BNC2: variants seen among roughly 807,000 people sequenced by gnomAD.
BNC2 encodes zinc finger protein basonuclin-2.
Under a neutral mutation model 76.3 loss-of-function variants are expected in BNC2, and 20 were observed. The ratio of observed to expected loss-of-function variants is 0.26; its 90% confidence interval spans 0.18 to 0.38. The LOEUF is 0.38. Ranked by LOEUF, BNC2 falls within the 10% of genes least tolerant of loss-of-function variation. The pLI is 1.00. For synonymous variants in BNC2, 582 were observed against 514.8 expected (o/e 1.13, Z -1.77); for missense variants, 1,382 against 1,399.8 (o/e 0.99, Z 0.20).
chr9:16,584,196 G>T (rs1013669495), intron 3 of BNC2, among the ~76,000 whole-genome samples: 16 of 152,118 alleles, frequency 1.1e-4, no homozygotes, highest in African/African-American at 3.6e-4. Flanking sequence ...TTCTGGGGTG[G>T]AGGGGTGGGC....
intron 1 of BNC2, among the ~76,000 whole-genome samples, chr9:16,799,097 CA>C: frequency 6.6e-6 from 1 of 152,184 alleles, no homozygotes; most frequent in African/African-American, 2.4e-5. Flanking sequence ...ATGTCAAAAT[CA>C]GTTATAATGC....
At chr9:16,626,850 C>T (rs947201907) in intron 3 of BNC2, among the ~76,000 whole-genome samples, 1 of 152,078 alleles carries the variant, frequency 6.6e-6, no homozygotes, top group Non-Finnish European at 1.5e-5. Context: ...TGCCTGTGAC[C>T]CAGCAGTGAG....
chr9:16,437,608 T>C, intron 5 of BNC2, 84 bp from the exon 6 acceptor site: 1 of 1,482,282 alleles, frequency 6.7e-7, no homozygotes, highest in Non-Finnish European at 9.2e-7. Context: ...CTGAAGGTGC[T>C]CTGTGTGCTC....
intron 3 of BNC2, among the ~76,000 whole-genome samples, chr9:16,651,107 T>C (rs1027634139): frequency 7.9e-5 from 12 of 152,172 alleles, no homozygotes; most frequent in Admixed American, 7.8e-4. Flanking sequence ...AGGTAAAGTG[T>C]TGTAAGCTAT....
chr9:16,497,504 A>T (rs540802758), intron 5 of BNC2, among the ~76,000 whole-genome samples: 270 of 152,294 alleles, frequency 1.8e-3, no homozygotes, highest in African/African-American at 6.2e-3. Context: ...TATGCCACAC[A>T]TTATACCGGA....
chr9:16,554,914 T>C (rs1818776017), intron 4 of BNC2, among the ~76,000 whole-genome samples: 2 of 152,244 alleles, frequency 1.3e-5, no homozygotes, highest in African/African-American at 4.8e-5. Context: ...GCACCTTGCA[T>C]GTCTGCATTA....
intron 1 of BNC2, among the ~76,000 whole-genome samples, chr9:16,774,910 G>A (rs1825922845): frequency 6.6e-6 from 1 of 152,152 alleles, no homozygotes; most frequent in Admixed American, 6.6e-5. Flanking sequence ...TTTTGCCAAT[G>A]AAGCGTTTTT....
intron 3 of BNC2, among the ~76,000 whole-genome samples, chr9:16,681,522 A>T (rs1246966625): frequency 6.6e-6 from 1 of 152,122 alleles, no homozygotes; most frequent in Non-Finnish European, 1.5e-5. Flanking sequence ...CTGGAAAGAG[A>T]ACTGCAGGAA....
chr9:16,822,433 C>T (rs904655174), intron 1 of BNC2, among the ~76,000 whole-genome samples: 3 of 152,088 alleles, frequency 2.0e-5, no homozygotes, highest in East Asian at 3.8e-4. Context: ...GATGCAAAAA[C>T]GCAGCCTTTT....
intron 5 of BNC2, among the ~76,000 whole-genome samples, chr9:16,498,915 T>C (rs1822457931): frequency 6.6e-6 from 1 of 152,138 alleles, no homozygotes; most frequent in Non-Finnish European, 1.5e-5. Context: ...GGCTACTGGA[T>C]ATCAAATAGT....
intron 3 of BNC2, among the ~76,000 whole-genome samples, chr9:16,619,299 C>T (rs1314601980): frequency 6.6e-6 from 1 of 151,522 alleles, no homozygotes; most frequent in East Asian, 1.9e-4. Flanking sequence ...CAACATAATG[C>T]TTTAGAAAAA....
chr9:16,611,083 A>G (rs1179017783), intron 3 of BNC2, among the ~76,000 whole-genome samples: 1 of 152,230 alleles, frequency 6.6e-6, no homozygotes, highest in East Asian at 1.9e-4. Flanking sequence ...TCAAAAAAAA[A>G]GTACAAGCAA....
chr9:16,800,739 ACCCTCTGAGG>A (rs1467773669), intron 1 of BNC2, among the ~76,000 whole-genome samples: 3 of 152,162 alleles, frequency 2.0e-5, no homozygotes, highest in Non-Finnish European at 4.4e-5. Flanking sequence ...ATGCCCTGTG[ACCCTCTGAGG>A]CACTGCCAAC....
intron 5 of BNC2, among the ~76,000 whole-genome samples, chr9:16,451,480 C>G (rs1268566893): frequency 2.0e-5 from 3 of 151,360 alleles, no homozygotes; most frequent in Non-Finnish European, 1.5e-5. Flanking sequence ...AATAAATCCT[C>G]TTACCTGGCA....
intron 1 of BNC2, among the ~76,000 whole-genome samples, chr9:16,815,238 G>A (rs1818154701): frequency 6.6e-6 from 1 of 152,132 alleles, no homozygotes; most frequent in South Asian, 2.1e-4. Flanking sequence ...AAGTACAGCT[G>A]GAGTGTAGGG....
intron 3 of BNC2, among the ~76,000 whole-genome samples, chr9:16,602,758 T>C (rs1285950081): frequency 6.6e-5 from 10 of 152,200 alleles, no homozygotes; most frequent in Admixed American, 5.9e-4. Flanking sequence ...TTTCAGCCAC[T>C]TCCTCCAGGG....
intron 5 of BNC2, among the ~76,000 whole-genome samples, chr9:16,468,287 G>C (rs1356800540): frequency 6.6e-6 from 1 of 152,044 alleles, no homozygotes; most frequent in East Asian, 1.9e-4. Context: ...GACACACTTA[G>C]AGACTCCTTT....
intron 1 of BNC2, among the ~76,000 whole-genome samples, chr9:16,818,875 C>T (rs543037352): frequency 4.2e-5 from 3 of 71,620 alleles, no homozygotes; most frequent in African/African-American, 9.5e-5. Context: ...TTTTTTAAAG[C>T]GGTTAAGAAG....
chr9:16,705,331 G>A lies in BNC2; in HGVS notation c.330+22466C>T, dbSNP rs908466690. On this transcript the variant is annotated intron_variant, in intron 3 of 6. Coordinates refer to ENST00000380672, the MANE Select transcript of BNC2 (RefSeq NM_017637.6). ...CTGCCAAGGAACCGCTTTTTTGGCC[G>A]CGCTGGGCCAGCTTTGACGGGAAAG... Among the ~76,000 whole-genome samples, 13 of 152,244 alleles carry A rather than the reference G, an allele frequency of 8.5e-5. 1 individual carries two copies. Among genetic ancestry groups the A allele is most frequent in the Middle Eastern group, 3.4e-3 (1 of 292 alleles).
Sources: gnomAD v4.1 joint callset for allele counts (sites outside exome capture counted in the v4.1 genomes callset) on GRCh38, gnomAD v4.1.1 for gene constraint, MANE v1.5 for transcripts, NCBI Gene and HGNC (gene_info 2026-07-23, HGNC 2026-07-21) for gene names.